The following SMURF2 variants were observed in gnomAD, a reference collection of about 807,000 sequenced individuals.
SMURF2 encodes SMAD specific E3 ubiquitin protein ligase 2, also known as E3 ubiquitin-protein ligase SMURF2.
In SMURF2, 48 loss-of-function variants were observed where a neutral mutation model predicts 109.6. The observed-to-expected ratio is 0.44, with a 90% CI of 0.35 to 0.56. The LOEUF is 0.56. Among genes scored for constraint, SMURF2 ranks in the 20% least tolerant of loss-of-function variants. The pLI is 0.01. For synonymous variants in SMURF2, 288 were observed against 317.1 expected (o/e 0.91, Z 0.97); for missense variants, 575 against 909.0 (o/e 0.63, Z 4.72).
chr17:64,626,040 G>A (rs1164207810), intron 1 of SMURF2, among the ~76,000 whole-genome samples: 2 of 152,032 alleles, frequency 1.3e-5, no homozygotes, highest in African/African-American at 4.8e-5. Flanking sequence ...TTGGGAAGCC[G>A]AGGCAGGCGG....
At chr17:64,627,152 T>C (rs1056174730) in intron 1 of SMURF2, among the ~76,000 whole-genome samples, 18 of 149,536 alleles carry the variant, frequency 1.2e-4, no homozygotes, top group East Asian at 1.2e-3. Context: ...CTTGCTCCTG[T>C]TGCCCAGGCT....
intron 1 of SMURF2, among the ~76,000 whole-genome samples, chr17:64,653,114 G>T (rs2144736190): frequency 6.6e-6 from 1 of 152,110 alleles, no homozygotes; most frequent in South Asian, 2.1e-4. Context: ...GGGGGGCGGT[G>T]GGGGAGCTAC....
At chr17:64,589,397 T>C (rs2144650860) in intron 5 of SMURF2, among the ~76,000 whole-genome samples, 1 of 152,124 alleles carries the variant, frequency 6.6e-6, no homozygotes, top group Non-Finnish European at 1.5e-5. Context: ...TTTGAGTTTT[T>C]TTTTTTTTTT....
intron 1 of SMURF2, among the ~76,000 whole-genome samples, chr17:64,633,136 G>A (rs1970371773): frequency 6.6e-6 from 1 of 152,144 alleles, no homozygotes; most frequent in Non-Finnish European, 1.5e-5. Flanking sequence ...CAGGCGTGGT[G>A]GCACGCACCT....
At position 64,550,776 on chromosome 17, in the gene SMURF2, A is replaced by G. The variant is rs183203110; in HGVS notation, c.1869+808T>C. Among the ~76,000 whole-genome samples the G allele has an allele frequency of 9.2e-3, 1,380 of 150,194 alleles. 23 individuals are homozygous for G. The highest frequency in any genetic ancestry group is 0.03 in the African/African-American group (1,187 of 39,946). On this transcript the variant is annotated intron_variant, in intron 16 of 18. Transcript: ENST00000262435. ...TGTCTCCAAAAAAAAAAAAAAAAAA[A>G]AGAGAGAGACATTTAGATTCAATTT... is the stretch of plus-strand genomic sequence containing the variant.
At position 64,566,561 on chromosome 17, in the gene SMURF2, G is replaced by GTTTTGTTTTT. The variant is rs1969306410; in HGVS notation, c.1017-3596_1017-3595insAAAAACAAAA. Among the ~76,000 whole-genome samples, 7 of 43,784 alleles carry GTTTTGTTTTT rather than the reference G, an allele frequency of 1.6e-4. 1 individual carries two copies. Among genetic ancestry groups the GTTTTGTTTTT allele is most frequent in the Non-Finnish European group, 3.0e-4 (7 of 23,544 alleles). 28.7% of individuals were successfully genotyped at this position (43,784 alleles called of 152,430 possible). A position where few individuals can be genotyped will look rare whatever the true frequency, so the allele number is the denominator to read the frequency against. On this transcript the variant is annotated intron_variant, in intron 10 of 18. Transcript: ENST00000262435. Reference sequence around the variant, plus strand: ...GATGTAGAAATGCTTAAGCTTTCTGGTTTTTTTTTTTTTTTTTTTTTTTTT... The same window carrying GTTTTGTTTTT: ...GATGTAGAAATGCTTAAGCTTTCTGGTTTTGTTTTTTTTTTTTTTTTTTTTTTTTTTTTTT...
intron 1 of SMURF2, among the ~76,000 whole-genome samples, chr17:64,617,839 A>T (rs1045571859): frequency 6.6e-6 from 1 of 152,004 alleles, no homozygotes; most frequent in Non-Finnish European, 1.5e-5. Context: ...CTACTTAAAA[A>T]TTTTTTTTCA....
At chr17:64,606,511 G>C in intron 2 of SMURF2, 91 bp downstream of exon 2, 1 of 918,758 alleles carries the variant, frequency 1.1e-6, no homozygotes, top group Non-Finnish European at 1.7e-6. Flanking sequence ...CAATACTTCT[G>C]AATAGAGAAA....
At chr17:64,551,128 G>A (rs1969039262) in intron 16 of SMURF2, among the ~76,000 whole-genome samples, 1 of 152,144 alleles carries the variant, frequency 6.6e-6, no homozygotes, top group Admixed American at 6.5e-5. Flanking sequence ...GGGAGGCCAA[G>A]GCAGGCGGAT....
intron 3 of SMURF2, among the ~76,000 whole-genome samples, chr17:64,596,903 C>A (rs1969826540): frequency 6.6e-6 from 1 of 152,096 alleles, no homozygotes; most frequent in Admixed American, 6.6e-5. Context: ...GGAAAAGTAG[C>A]TACTAACTTC....
intron 1 of SMURF2, among the ~76,000 whole-genome samples, chr17:64,627,475 A>G (rs1186974810): frequency 6.6e-6 from 1 of 152,212 alleles, no homozygotes; most frequent in Admixed American, 6.5e-5. Flanking sequence ...GAACACCTTT[A>G]GATGAGTTGA....
intron 1 of SMURF2, among the ~76,000 whole-genome samples, chr17:64,624,508 A>C (rs1190534398): frequency 6.6e-6 from 1 of 150,596 alleles, no homozygotes; most frequent in Non-Finnish European, 1.5e-5. Flanking sequence ...CTCTACAAAA[A>C]AAAAAAAAAA....
intron 5 of SMURF2, among the ~76,000 whole-genome samples, chr17:64,588,432 A>C (rs1471110900): frequency 6.6e-6 from 1 of 152,102 alleles, no homozygotes; most frequent in Non-Finnish European, 1.5e-5. Context: ...GTTATGATAT[A>C]TCTATATACT....
intron 1 of SMURF2, among the ~76,000 whole-genome samples, chr17:64,617,009 G>C (rs1970132945): frequency 7.5e-6 from 1 of 133,426 alleles, no homozygotes. Context: ...TGAGCCTGCA[G>C]TAAGCCATGT....
Position 64,598,415 on chromosome 17 carries a change from G to A in SMURF2, c.167C>T (p.Thr56Met), listed in dbSNP as rs1969847054. Reference sequence around the variant, plus strand: ...ATGCTGATTCCACTTTGGATCAAGCGTATTCTTCACAGTATCTGTAGAATG... The same window carrying A: ...ATGCTGATTCCACTTTGGATCAAGCATATTCTTCACAGTATCTGTAGAATG... ...QCHSTDTVKN[T>M]LDPKWNQHYD... The change falls in exon 3 of 19, where the codon ACG becomes ATG. Residue 56 changes from threonine to methionine, a missense_variant. Thr to Met is a moderately conservative substitution (Grantham distance 81). Around this residue, in one of 5 missense-constraint regions of SMURF2, gnomAD observed 33 missense variants for 66.0 expected, o/e 0.50. Transcript: ENST00000262435. 1.2e-6 allele frequency: 2 copies of A among 1,608,138 alleles called. No individual in the cohort carries two copies. Among genetic ancestry groups the A allele is most frequent in the Non-Finnish European group, 1.7e-6 (2 of 1,178,080 alleles).
rs1275753199 is a variant in SMURF2, at chr17:64,615,767, C to A, written c.53-9127G>T. ...CAGTTAAGTAAATGATAGCAAACAGCAAGTTGAAATATTACACAGCCATTA... is the reference window on the plus strand; with the variant it reads ...CAGTTAAGTAAATGATAGCAAACAGAAAGTTGAAATATTACACAGCCATTA... On this transcript the variant is annotated intron_variant, in intron 1 of 18. Coordinates refer to ENST00000262435, the MANE Select transcript of SMURF2 (RefSeq NM_022739.4). 9.2e-5 allele frequency among the ~76,000 whole-genome samples: 14 copies of A among 152,014 alleles called. No individual in the cohort carries two copies. The East Asian group carries it at 2.7e-3, about 29-fold the overall frequency.
Position 64,579,166 on chromosome 17 carries a change from C to T in SMURF2, c.773-590G>A, listed in dbSNP as rs546634894. Among the ~76,000 whole-genome samples the T allele has an allele frequency of 3.7e-4, 57 of 152,166 alleles. 2 individuals are homozygous for T. The South Asian group carries it at 7.3e-3, about 19-fold the overall frequency. ...AAAGAAGAGGACTAAAGAGCAAGCA[C>T]GCACACTGGGGAGAAAAAAGTCAAG... On this transcript the variant is annotated intron_variant, in intron 8 of 18. Coordinates refer to ENST00000262435, the MANE Select transcript of SMURF2 (RefSeq NM_022739.4).
intron 17 of SMURF2, among the ~76,000 whole-genome samples, chr17:64,546,895 C>T (rs974858633): frequency 1.3e-5 from 2 of 148,934 alleles, no homozygotes; most frequent in Admixed American, 6.6e-5. Flanking sequence ...AGCACGCTCT[C>T]CCCCCAGGGA....
chr17:64,591,258 C>A (rs1381918228), intron 4 of SMURF2, 109 bp from the exon 5 acceptor site: 2 of 778,076 alleles, frequency 2.6e-6, no homozygotes, highest in Non-Finnish European at 4.1e-6. Context: ...TCAAACCTAT[C>A]ATTTAAAGAG....
Sources: allele counts gnomAD v4.1 joint callset (sites outside exome capture counted in the v4.1 genomes callset), GRCh38; gene constraint gnomAD v4.1.1; regional missense constraint gnomAD v4.1.1; transcripts MANE v1.5; gene names NCBI Gene and HGNC (gene_info 2026-07-23, HGNC 2026-07-21).